Variants in WDPCP observed in about 807,000 individuals in gnomAD.
The protein encoded by WDPCP is WD repeat containing planar cell polarity effector, also known as WD repeat-containing and planar cell polarity effector protein fritz homolog.
In WDPCP, 71 loss-of-function variants were observed where a neutral mutation model predicts 93.1. The ratio of observed to expected loss-of-function variants is 0.76; its 90% confidence interval spans 0.63 to 0.93. The LOEUF (loss-of-function observed/expected upper bound fraction) is 0.93. Ranked by LOEUF, WDPCP falls within the 40% of genes least tolerant of loss-of-function variation. The pLI, the probability that WDPCP is intolerant of heterozygous loss-of-function variation, is 0.00. For synonymous variants in WDPCP, 315 were observed against 315.0 expected (o/e 1.00, Z 0.00); for missense variants, 844 against 887.4 (o/e 0.95, Z 0.62).
upstream of WDPCP, among the ~76,000 whole-genome samples, chr2:63,592,234 C>G (rs999336133): frequency 1.3e-5 from 2 of 152,168 alleles, no homozygotes; most frequent in African/African-American, 4.8e-5. Context: ...AAGGTAATAT[C>G]ATTAGTACTA....
intron 10 of WDPCP, among the ~76,000 whole-genome samples, chr2:63,402,011 G>A (rs1694186608): frequency 6.6e-6 from 1 of 151,982 alleles, no homozygotes; most frequent in Non-Finnish European, 1.5e-5. Context: ...CTGCTATAAA[G>A]ACACATGCAT....
At chr2:63,613,773 T>C (rs1051435834) in intron 3 of WDPCP, among the ~76,000 whole-genome samples, 1 of 152,214 alleles carries the variant, frequency 6.6e-6, no homozygotes, top group African/African-American at 2.4e-5. Context: ...GAGGAGTTTC[T>C]AGCCTTCTCT....
At chr2:63,824,797 AG>A (rs1174512348) in intron 1 of WDPCP, among the ~76,000 whole-genome samples, 2 of 152,124 alleles carry the variant, frequency 1.3e-5, no homozygotes, top group Non-Finnish European at 2.9e-5. Flanking sequence ...AATATAAATG[AG>A]AATCAAATAG....
intron 9 of WDPCP, among the ~76,000 whole-genome samples, chr2:63,413,939 G>A (rs915052422): frequency 1.3e-5 from 2 of 151,612 alleles, no homozygotes; most frequent in Non-Finnish European, 2.9e-5. Flanking sequence ...ATCTGACAAA[G>A]GATTAATATC....
chr2:63,553,556 C>T (rs1303826259), intron 1 of WDPCP, among the ~76,000 whole-genome samples: 4 of 151,928 alleles, frequency 2.6e-5, no homozygotes, highest in African/African-American at 9.7e-5. Flanking sequence ...TTGACCTCAA[C>T]ATATTCAAGA....
chr2:63,627,353 G>A (rs1266852260), intron 3 of WDPCP, among the ~76,000 whole-genome samples: 1 of 152,276 alleles, frequency 6.6e-6, no homozygotes, highest in African/African-American at 2.4e-5. Context: ...ACTTCTTTTC[G>A]TTCTTTAAAA....
intron 2 of WDPCP, among the ~76,000 whole-genome samples, chr2:63,734,467 A>G (rs1228150968): frequency 6.6e-6 from 1 of 152,198 alleles, no homozygotes; most frequent in Non-Finnish European, 1.5e-5. Context: ...CACATTTTCC[A>G]TCGAATGGCT....
chr2:63,387,732 G>GTC (rs34992888), intron 10 of WDPCP, among the ~76,000 whole-genome samples: 85,689 of 151,694 alleles, frequency 0.56, 24,526 homozygotes, highest in Admixed American at 0.64. Flanking sequence ...AAACCCAATA[G>GTC]TCTGCCCAAA....
chr2:63,403,521 G>A (rs770424535), intron 10 of WDPCP, among the ~76,000 whole-genome samples: 7 of 152,036 alleles, frequency 4.6e-5, no homozygotes, highest in Non-Finnish European at 1.0e-4. Context: ...CTATCCTTTT[G>A]AATATTTTTA....
intron 2 of WDPCP, among the ~76,000 whole-genome samples, chr2:63,768,357 A>G (rs904275406): frequency 8.7e-5 from 13 of 149,778 alleles, no homozygotes; most frequent in African/African-American, 3.2e-4. Flanking sequence ...TTTTTTTCCA[A>G]ATTGTTTTGG....
In WDPCP at chr2:63,152,959, T is replaced by TTAA; in HGVS notation, c.2159-17_2159-15dup. On this transcript the variant is annotated splice_polypyrimidine_tract_variant and intron_variant, in intron 16 of 17. Coordinates refer to ENST00000272321, the MANE Select transcript of WDPCP (RefSeq NM_015910.7). ...TCAGTTCTCCGTCTAAAGTAAAAGA[T>TTAA]TAAAACATTAATTATCTTAAAAGTC... The TTAA allele has an allele frequency of 1.9e-6, 3 of 1,611,184 alleles. No individual in the cohort carries two copies. The highest frequency in any genetic ancestry group is 1.3e-5 in the African/African-American group (1 of 74,984).
intron 14 of WDPCP, among the ~76,000 whole-genome samples, chr2:63,241,043 C>T (rs1679819668): frequency 6.6e-6 from 1 of 152,088 alleles, no homozygotes; most frequent in South Asian, 2.1e-4. Flanking sequence ...TTCAATAACA[C>T]CAATTCTTAA....
At chr2:63,836,630 G>A in the WDPCP span, among the ~76,000 whole-genome samples, 1 of 151,950 alleles carries the variant, frequency 6.6e-6, no homozygotes, top group East Asian at 1.9e-4. Context: ...GTTTTTTCCT[G>A]GGCCATTCAC....
intron 17 of WDPCP, among the ~76,000 whole-genome samples, chr2:63,144,786 C>T (rs1050473406): frequency 5.9e-5 from 9 of 152,114 alleles, no homozygotes; most frequent in African/African-American, 2.2e-4. Context: ...GATTTGGATC[C>T]ACTGCTGCTG....
chr2:63,792,525 G>A (rs571011056), intron 2 of WDPCP, among the ~76,000 whole-genome samples: 11 of 152,240 alleles, frequency 7.2e-5, no homozygotes, highest in Admixed American at 6.5e-5. Context: ...TGAGTGATAC[G>A]GCTATACATA....
intron 14 of WDPCP, among the ~76,000 whole-genome samples, chr2:63,224,549 T>G (rs1475186839): frequency 7.9e-5 from 12 of 151,960 alleles, no homozygotes; most frequent in African/African-American, 2.9e-4. Flanking sequence ...GGAGTATTAT[T>G]CAACACTAAA....
At chr2:63,529,294 G>A (rs989391295) in intron 1 of WDPCP, among the ~76,000 whole-genome samples, 2 of 152,148 alleles carry the variant, frequency 1.3e-5, no homozygotes, top group African/African-American at 2.4e-5. Context: ...TCTTGTGCAA[G>A]TTTTCAAAGG....
At chr2:63,482,127 T>C (rs1443995286) in intron 6 of WDPCP, among the ~76,000 whole-genome samples, 1 of 152,002 alleles carries the variant, frequency 6.6e-6, no homozygotes, top group African/African-American at 2.4e-5. Flanking sequence ...AGATCCAACC[T>C]CAGATTGCAT....
intron 3 of WDPCP, among the ~76,000 whole-genome samples, chr2:63,650,275 C>T (rs1710094225): frequency 6.6e-6 from 1 of 152,212 alleles, no homozygotes; most frequent in African/African-American, 2.4e-5. Flanking sequence ...ATGACTCAAA[C>T]TCAGGACACT....
Sources: gnomAD v4.1 joint callset for allele counts (sites outside exome capture counted in the v4.1 genomes callset) on GRCh38, gnomAD v4.1.1 for gene constraint, MANE v1.5 for transcripts, NCBI Gene and HGNC (gene_info 2026-07-23, HGNC 2026-07-21) for gene names.